The following UBN1 variants were observed in gnomAD, a reference collection of about 807,000 sequenced individuals.
UBN1 encodes ubinuclein 1.
Under a neutral mutation model 108.5 loss-of-function variants are expected in UBN1, and 17 were observed. The ratio of observed to expected loss-of-function variants is 0.16; its 90% confidence interval spans 0.11 to 0.24. The LOEUF (loss-of-function observed/expected upper bound fraction) is 0.24. UBN1 is among the 10% of genes least tolerant of loss of function. The probability of loss-of-function intolerance (pLI) is 1.00; values close to 1 mark genes in which losing one functional copy is unlikely to be tolerated. For missense variants in UBN1, 1,595 were observed against 1,394.4 expected (o/e 1.14, Z -2.29); for synonymous variants, 726 against 564.2 (o/e 1.29, Z -4.07).
Position 4,847,582 on chromosome 16 carries a change from C to T in UBN1, c.-668C>T, listed in dbSNP as rs2086256703. On this transcript the variant is annotated 5_prime_UTR_variant, in exon 1 of 18. Coordinates refer to ENST00000262376, the MANE Select transcript of UBN1 (RefSeq NM_001079514.3). ...CCGGCTGAGCGCGAGAGGGAGCCGG[C>T]CTCGCGGCTCGCCCCGCCCCCGGGT... 1.1e-5 allele frequency: 4 copies of T among 371,944 alleles called. No homozygotes were observed. The highest frequency in any genetic ancestry group is 1.1e-4 in the South Asian group (3 of 28,212). The allele number at this position is 371,944 out of a possible 1,614,324, so 23.0% of individuals were successfully genotyped here. A position where few individuals can be genotyped will look rare whatever the true frequency, so the allele number is the denominator to read the frequency against.
chr16:4,878,113 G>C lies in UBN1; in HGVS notation c.3355+639G>C, dbSNP rs532465383. 5.1e-3 allele frequency among the ~76,000 whole-genome samples: 778 copies of C among 152,250 alleles called. 7 individuals are homozygous for C. The highest frequency in any genetic ancestry group is 0.014 in the South Asian group (66 of 4,824). Reference sequence around the variant, plus strand: ...GGGAACTTCTAAAAGCCTCAGGCTTGAGGCTGCTCTGGTAGCACCTGAGAA... The same window carrying C: ...GGGAACTTCTAAAAGCCTCAGGCTTCAGGCTGCTCTGGTAGCACCTGAGAA... On this transcript the variant is annotated intron_variant, in intron 17 of 17. Transcript: ENST00000262376.
intron 7 of UBN1, among the ~76,000 whole-genome samples, chr16:4,863,819 C>A (rs577038711): frequency 2.0e-5 from 3 of 152,194 alleles, no homozygotes; most frequent in Non-Finnish European, 2.9e-5. Flanking sequence ...CTTTTCTTTC[C>A]TGGCCTTTCA....
At chr16:4,861,127 C>CT in intron 7 of UBN1, 25 bp downstream of exon 7, 1 of 1,592,128 alleles carries the variant, frequency 6.3e-7, no homozygotes, top group Non-Finnish European at 8.6e-7. Flanking sequence ...TGCGGCTGGG[C>CT]TTTCCTGGAA....
intron 7 of UBN1, among the ~76,000 whole-genome samples, chr16:4,866,133 A>G (rs2087319053): frequency 6.6e-6 from 1 of 152,210 alleles, no homozygotes; most frequent in South Asian, 2.1e-4. Flanking sequence ...AAGCAAAAAA[A>G]GTTCAGTTTT....
intron 6 of UBN1, 139 bp downstream of exon 6, chr16:4,860,107 A>T (rs1183539488): frequency 9.7e-7 from 1 of 1,030,160 alleles, no homozygotes; most frequent in African/African-American, 1.6e-5. Flanking sequence ...CGCCTCCCGC[A>T]GTGCCATTCT....
intron 8 of UBN1, among the ~76,000 whole-genome samples, chr16:4,869,274 C>T (rs543503810): frequency 3.8e-4 from 58 of 152,312 alleles, no homozygotes; most frequent in African/African-American, 1.2e-3. Context: ...CTGGTGGCCT[C>T]GGGCCTGCTC....
At chr16:4,856,075 T>C (rs2142139785) in intron 2 of UBN1, among the ~76,000 whole-genome samples, 1 of 152,362 alleles carries the variant, frequency 6.6e-6, no homozygotes, top group African/African-American at 2.4e-5. Context: ...CAAATCCCTT[T>C]ATAATTCCTG....
At chr16:4,864,181 G>A (rs769435238) in intron 7 of UBN1, among the ~76,000 whole-genome samples, 1 of 150,382 alleles carries the variant, frequency 6.6e-6, no homozygotes, top group Non-Finnish European at 1.5e-5. Context: ...CCGCCTTCTG[G>A]GTTCAAGTGA....
chr16:4,863,037 C>T (rs966930886), intron 7 of UBN1, among the ~76,000 whole-genome samples: 10 of 152,164 alleles, frequency 6.6e-5, no homozygotes, highest in African/African-American at 2.4e-4. Flanking sequence ...TCTCCTATAA[C>T]AGCATTAAGA....
intron 1 of UBN1, among the ~76,000 whole-genome samples, chr16:4,849,954 A>AAAAAAAC (rs2086469758): frequency 1.3e-5 from 2 of 149,482 alleles, no homozygotes; most frequent in African/African-American, 5.0e-5. Flanking sequence ...TCTCACAAAA[A>AAAAAAAC]AAAAAAAAAA....
chr16:4,860,358 C>T (rs1324811092), intron 6 of UBN1, among the ~76,000 whole-genome samples: 8 of 152,230 alleles, frequency 5.3e-5, no homozygotes, highest in Admixed American at 5.2e-4. Context: ...TGCTTTCTCC[C>T]TCTAAATACT....
chr16:4,860,620 A>G, intron 6 of UBN1, 44 bp from the exon 7 acceptor site: 1 of 1,556,046 alleles, frequency 6.4e-7, no homozygotes. Flanking sequence ...TTCCCTTTGG[A>G]GGTGTCCTAT....
In UBN1 at chr16:4,877,031, CCT is replaced by C; in HGVS notation, c.3188_3189del (p.Ser1063CysfsTer151). The C allele has an allele frequency of 6.2e-7, 1 of 1,614,210 alleles. No individual in the cohort carries two copies. Among genetic ancestry groups the C allele is most frequent in the Non-Finnish European group, 8.5e-7 (1 of 1,180,034 alleles). On this transcript the variant is annotated frameshift_variant, in exon 16 of 18. Transcript: ENST00000262376. LOFTEE classifies it high-confidence loss of function. The surrounding 1 kb of genome is among the most constrained non-coding windows in gnomAD (Gnocchi z 4.3). ...CATGTGCTCTCCTTCAGCGCTGACT[CCT>C]CTGCCAAAGCAGGGGTCTCCAAGGA...
intron 8 of UBN1, among the ~76,000 whole-genome samples, chr16:4,869,114 C>T (rs572666461): frequency 2.6e-5 from 4 of 152,308 alleles, no homozygotes; most frequent in South Asian, 4.1e-4. Flanking sequence ...TCTCCAGAAG[C>T]GATAGACCTC....
In UBN1 at chr16:4,874,745, T is replaced by G. The variant is rs2087799227; in HGVS notation, c.2335T>G (p.Ser779Ala). Reference sequence around the variant, plus strand: ...TAAGGGCCTGCCAGAAGTACATCAGTCCAAAGCTAAGCACCACAGCTTGCC... The same window carrying G: ...TAAGGGCCTGCCAGAAGTACATCAGGCCAAAGCTAAGCACCACAGCTTGCC... ...LNKGLPEVHQ[S>A]KAKHHSLPRT... Residue 779 changes from serine (S) to alanine (A), a missense_variant, in exon 15 of 18, where the codon TCC becomes GCC. Around this residue, in one of 3 missense-constraint regions of UBN1, gnomAD observed 1,398 missense variants for 1,194.7 expected, o/e 1.17. Transcript: ENST00000262376. 1 of 1,613,944 alleles carries G rather than the reference T, an allele frequency of 6.2e-7. No homozygotes were observed. Among genetic ancestry groups the G allele is most frequent in the Admixed American group, 1.7e-5 (1 of 60,014 alleles).
At chr16:4,857,772 G>A (rs984820304) in intron 2 of UBN1, among the ~76,000 whole-genome samples, 1 of 152,176 alleles carries the variant, frequency 6.6e-6, no homozygotes, top group Non-Finnish European at 1.5e-5. Flanking sequence ...TGTGGTGGAT[G>A]ATTGTAGGCA....
rs1336535830 is a variant in UBN1 at position 4,860,854 on chromosome 16, C to T, written c.862C>T (p.Pro288Ser). ...GCGGGAACTGGAGGGTGCCTCTGACCCCTTGCTCTCACTCTTTGGCTCTAC... is the reference window on the plus strand; with the variant it reads ...GCGGGAACTGGAGGGTGCCTCTGACTCCTTGCTCTCACTCTTTGGCTCTAC... The part of the protein sequence containing the change: ...GLRELEGASD[P>S]LLSLFGSTSD... The change falls in exon 7 of 18, where the codon CCC becomes TCC. Residue 288 changes from proline to serine, a missense_variant. Around this residue, in one of 3 missense-constraint regions of UBN1, gnomAD observed 1,398 missense variants for 1,194.7 expected, o/e 1.17. Transcript: ENST00000262376. The T allele has an allele frequency of 6.2e-7, 1 of 1,614,128 alleles. No individual in the cohort carries two copies. Among genetic ancestry groups the T allele is most frequent in the Non-Finnish European group, 8.5e-7 (1 of 1,180,054 alleles).
At chr16:4,868,003 A>G (rs2087421216) in intron 7 of UBN1, among the ~76,000 whole-genome samples, 1 of 152,112 alleles carries the variant, frequency 6.6e-6, no homozygotes, top group Admixed American at 6.5e-5. Flanking sequence ...TACTTGGGCC[A>G]CTTTTGAGAG....
chr16:4,857,980 C>G lies in UBN1; in HGVS notation c.250-10C>G, dbSNP rs550321281. The G allele has an allele frequency of 6.3e-6, 10 of 1,599,090 alleles. No individual in the cohort carries two copies. The highest frequency in any genetic ancestry group is 1.1e-5 in the South Asian group (1 of 89,456). On this transcript the variant is annotated splice_polypyrimidine_tract_variant and intron_variant, in intron 2 of 17. Coordinates refer to ENST00000262376, the MANE Select transcript of UBN1 (RefSeq NM_001079514.3). ...TCTGACTTATTTTTTGTGGAACGAT[C>G]TCTTTACAGAAGAAAGATCTGTCAG...
Sources: gnomAD v4.1 joint callset for allele counts (sites outside exome capture counted in the v4.1 genomes callset) on GRCh38, gnomAD v4.1.1 for gene constraint, gnomAD v4.1.1 regional missense constraint, Gnocchi (gnomAD v3.1) non-coding constraint, MANE v1.5 for transcripts, NCBI Gene and HGNC (gene_info 2026-07-23, HGNC 2026-07-21) for gene names.